LARGE1: variants seen among roughly 807,000 people sequenced by gnomAD.
LARGE1 encodes the protein LARGE xylosyl- and glucuronyltransferase 1.
LARGE1 carries 43 observed loss-of-function variants against 87.6 expected under a neutral mutation model. The ratio of observed to expected loss-of-function variants is 0.49; its 90% CI spans 0.38 to 0.63. The LOEUF is 0.63. Ranked by LOEUF, LARGE1 falls within the 30% of genes least tolerant of loss-of-function variation. LARGE1 has a pLI of 0.00. For synonymous variants in LARGE1, 434 were observed against 394.6 expected, an observed-to-expected ratio of 1.10 and a Z score of -1.18; for missense variants, 802 against 1,000.2, an observed-to-expected ratio of 0.80 and a Z score of 2.67.
chr22:33,168,302 T>C (rs1228234073), intron 11 of LARGE1, among the ~76,000 whole-genome samples: 2 of 152,246 alleles, frequency 1.3e-5, no homozygotes, highest in East Asian at 3.8e-4. Context: ...GGCCATTTTT[T>C]AGATTTTCCT....
intron 9 of LARGE1, among the ~76,000 whole-genome samples, chr22:33,341,831 T>C (rs891079177): frequency 3.3e-5 from 5 of 152,152 alleles, no homozygotes; most frequent in Non-Finnish European, 2.9e-5. Context: ...GTTAAACAAA[T>C]GCCTAGCTCA....
intron 1 of LARGE1, among the ~76,000 whole-genome samples, chr22:33,831,131 T>C: frequency 6.8e-6 from 1 of 146,172 alleles, no homozygotes; most frequent in Non-Finnish European, 1.5e-5. Flanking sequence ...GGAGTCTCGC[T>C]CTGTCGCCTA....
intron 1 of LARGE1, among the ~76,000 whole-genome samples, chr22:33,911,737 C>A (rs1170184553): frequency 6.6e-6 from 1 of 152,208 alleles, no homozygotes; most frequent in Non-Finnish European, 1.5e-5. Flanking sequence ...GCACGCATTT[C>A]GGTATTGTAC....
intron 1 of LARGE1, among the ~76,000 whole-genome samples, chr22:33,799,561 T>C (rs2086094545): frequency 6.6e-6 from 1 of 152,048 alleles, no homozygotes; most frequent in African/African-American, 2.4e-5. Flanking sequence ...CTGCCTCAGC[T>C]GCCCAGGTAG....
chr22:33,542,735 TGAA>T, intron 6 of LARGE1, among the ~76,000 whole-genome samples: 1 of 151,816 alleles, frequency 6.6e-6, no homozygotes, highest in East Asian at 1.9e-4. Flanking sequence ...TCCATAGACC[TGAA>T]AGAGACACTG....
At chr22:33,889,045 C>T (rs2064936145) in intron 1 of LARGE1, 4 of 152,152 alleles carry the variant, frequency 2.6e-5, no homozygotes, top group African/African-American at 9.7e-5. Context: ...ACCAGGATAT[C>T]ACCTCACTTC....
At chr22:33,612,205 GCTATT>G in intron 4 of LARGE1, among the ~76,000 whole-genome samples, 1 of 149,694 alleles carries the variant, frequency 6.7e-6, no homozygotes, top group Admixed American at 6.7e-5. Context: ...CCGGGTTCAA[GCTATT>G]CTCCTGCCTC....
rs1342499766 is a variant in LARGE1 at position 33,809,270 on chromosome 22, C to CAAA, written c.-82-47715_-82-47713dup. Among the ~76,000 whole-genome samples, 292 of 147,176 alleles carry CAAA rather than the reference C, an allele frequency of 2.0e-3. 6 individuals carry two copies. The East Asian group carries it at 0.032, about 16-fold the overall frequency. On this transcript the variant is annotated intron_variant, in intron 1 of 14. Coordinates refer to ENST00000397394, the MANE Select transcript of LARGE1 (RefSeq NM_133642.5). Reference sequence around the variant, plus strand: ...CTGGTGACAGAGTGAGACTCCATCTCAAAAAAAAAAAAATCAGGTCCTGTG... The same window carrying CAAA: ...CTGGTGACAGAGTGAGACTCCATCTCAAAAAAAAAAAAAAAATCAGGTCCTGTG...
intron 12 of LARGE1, among the ~76,000 whole-genome samples, chr22:33,302,334 A>G (rs7292202): frequency 0.014 from 2,202 of 152,278 alleles, 48 homozygotes; most frequent in African/African-American, 0.051. Flanking sequence ...TGGGTACCAC[A>G]GCACCTCCCA....
chr22:33,749,192 G>A (rs546526398), intron 2 of LARGE1, among the ~76,000 whole-genome samples: 4 of 152,252 alleles, frequency 2.6e-5, no homozygotes, highest in South Asian at 2.1e-4. Flanking sequence ...TCGGCTCACC[G>A]CAACCTCCGC....
At chr22:33,713,055 A>G (rs892640925) in intron 2 of LARGE1, among the ~76,000 whole-genome samples, 3 of 152,164 alleles carry the variant, frequency 2.0e-5, no homozygotes, top group Admixed American at 2.0e-4. Flanking sequence ...CCATCACTGA[A>G]GGGCTGAGAT....
intron 5 of LARGE1, among the ~76,000 whole-genome samples, chr22:33,585,994 C>T (rs970638376): frequency 2.5e-4 from 38 of 152,166 alleles, no homozygotes; most frequent in Admixed American, 2.0e-4. Flanking sequence ...CCACTGCACC[C>T]GGCCCACTCT....
At chr22:33,421,258 A>G (rs1307467462) in intron 7 of LARGE1, among the ~76,000 whole-genome samples, 2 of 152,188 alleles carry the variant, frequency 1.3e-5, no homozygotes, top group Non-Finnish European at 2.9e-5. Context: ...AGGAGTGGGA[A>G]AATACTAATA....
Position 33,891,439 on chromosome 22 carries a change from TAA to T in LARGE1, c.-83+28554_-83+28555del, listed in dbSNP as rs34298566. 2.9e-3 allele frequency among the ~76,000 whole-genome samples: 422 copies of T among 147,922 alleles called. 5 individuals are homozygous for T. The highest frequency in any genetic ancestry group is 9.7e-3 in the African/African-American group (393 of 40,530). ...AAGGCACCATGCTATGTGCTAGCCA[TAA>T]AAAAAAAAAAAACTGTATTGAGAGG... is the stretch of plus-strand genomic sequence containing the variant. On this transcript the variant is annotated intron_variant, in intron 1 of 14. Transcript: ENST00000397394.
intron 6 of LARGE1, among the ~76,000 whole-genome samples, chr22:33,489,610 G>C (rs1285197236): frequency 3.9e-5 from 6 of 152,078 alleles, no homozygotes; most frequent in African/African-American, 1.4e-4. Context: ...CTCTCATTCT[G>C]TCTTGTTTGC....
At chr22:33,645,833 T>C (rs1307813421) in intron 3 of LARGE1, among the ~76,000 whole-genome samples, 7 of 152,048 alleles carry the variant, frequency 4.6e-5, no homozygotes, top group African/African-American at 1.7e-4. Context: ...AACAAACATA[T>C]GAAGAAAAGC....
At chr22:33,756,165 G>A (rs1230298835) in intron 2 of LARGE1, among the ~76,000 whole-genome samples, 4 of 152,156 alleles carry the variant, frequency 2.6e-5, no homozygotes, top group Non-Finnish European at 5.9e-5. Context: ...TCATGGTAAG[G>A]AGTCCACAGT....
chr22:33,424,233 G>C (rs1312055262), intron 7 of LARGE1, among the ~76,000 whole-genome samples: 1 of 152,196 alleles, frequency 6.6e-6, no homozygotes, highest in African/African-American at 2.4e-5. Context: ...AACAGTGAGC[G>C]GAAGTTTACA....
intron 6 of LARGE1, among the ~76,000 whole-genome samples, chr22:33,518,380 AC>A (rs2071409541): frequency 6.6e-6 from 1 of 152,226 alleles, no homozygotes; most frequent in African/African-American, 2.4e-5. Context: ...GTGCAGTGAC[AC>A]CATCTCAGCT....
Sources: gnomAD v4.1 joint callset for allele counts (sites outside exome capture counted in the v4.1 genomes callset) on GRCh38, gnomAD v4.1.1 for gene constraint, MANE v1.5 for transcripts, NCBI Gene and HGNC (gene_info 2026-07-23, HGNC 2026-07-21) for gene names.